The following CBL variants were observed in gnomAD, a reference collection of about 807,000 sequenced individuals.
CBL encodes E3 ubiquitin-protein ligase CBL.
A neutral mutation model predicts 96.9 loss-of-function variants in CBL; 45 were observed. That is an observed-to-expected ratio of 0.46 (90% CI 0.37 to 0.60). The LOEUF is 0.60. CBL is among the 20% of genes least tolerant of loss of function. CBL has a pLI of 0.00. For synonymous variants in CBL, 420 were observed against 426.8 expected (o/e 0.98, Z 0.20); for missense variants, 1,024 against 1,143.5 (o/e 0.90, Z 1.51).
chr11:119,212,419 A>C (rs964537473), intron 1 of CBL, among the ~76,000 whole-genome samples: 1 of 151,360 alleles, frequency 6.6e-6, no homozygotes, highest in Non-Finnish European at 1.5e-5. Flanking sequence ...TGAGGTCAGG[A>C]GTTCAAGACC....
intron 2 of CBL, among the ~76,000 whole-genome samples, chr11:119,249,405 A>G (rs1362044134): frequency 6.6e-6 from 1 of 152,048 alleles, no homozygotes; most frequent in African/African-American, 2.4e-5. Flanking sequence ...AAATACAAAA[A>G]TTAGCTGGGC....
intron 1 of CBL, among the ~76,000 whole-genome samples, chr11:119,219,839 A>G (rs575090420): frequency 1.2e-3 from 163 of 140,920 alleles, no homozygotes; most frequent in Admixed American, 1.9e-3. Context: ...GGGCACCACC[A>G]CGCCCGACTA....
intron 5 of CBL, among the ~76,000 whole-genome samples, 197 bp downstream of exon 5, chr11:119,275,150 T>C (rs1949878948): frequency 6.6e-6 from 1 of 152,206 alleles, no homozygotes; most frequent in Non-Finnish European, 1.5e-5. Flanking sequence ...ACTTAAGAAT[T>C]GAATTTATGG....
intron 12 of CBL, chr11:119,289,739 G>A (rs1009154166): frequency 2.0e-5 from 3 of 152,080 alleles, no homozygotes; most frequent in Non-Finnish European, 4.4e-5. Flanking sequence ...ACTTACTAGA[G>A]TTTGTTTCAT....
intron 1 of CBL, among the ~76,000 whole-genome samples, chr11:119,221,550 G>A (rs929850922): frequency 6.6e-6 from 1 of 151,906 alleles, no homozygotes; most frequent in Non-Finnish European, 1.5e-5. Flanking sequence ...GATGGATCGC[G>A]AGGTCAGGAA....
intron 2 of CBL, among the ~76,000 whole-genome samples, chr11:119,238,320 C>A (rs547592705): frequency 4.3e-4 from 66 of 152,074 alleles, no homozygotes; most frequent in Non-Finnish European, 7.4e-5. Flanking sequence ...AGCGATTCTC[C>A]TGCCTCAGCC....
chr11:119,285,335 C>A lies in CBL; in HGVS notation c.1710C>A (p.Gly570=), dbSNP rs751529479. 1 of 1,614,142 alleles carries A rather than the reference C, an allele frequency of 6.2e-7. No homozygotes were observed. The change falls in exon 11 of 16, where the codon GGC becomes GGA. Residue 570 remains glycine, a synonymous_variant. Transcript: ENST00000264033. ...PQRRPLPCTP[G]DCPSRDKLPP... ...GACGCCCCTTGCCTTGTACACCAGG[C>A]GACTGTCCCTCCAGAGACAAACTGC...
Position 119,278,541 on chromosome 11 carries a change from G to A in CBL, c.1259G>A (p.Arg420Gln), listed in dbSNP as rs267606708. 26 of 1,614,060 alleles carry A rather than the reference G, an allele frequency of 1.6e-5. No homozygotes were observed. The highest frequency in any genetic ancestry group is 2.7e-5 in the African/African-American group (2 of 75,006). ...ESEGQGCPFC[R>Q]CEIKGTEPIV... ...GAAGGTCAGGGCTGTCCTTTCTGCC[G>A]ATGTGAAATTAAAGGTACTGAACCC... Residue 420 changes from arginine (R) to glutamine (Q), a missense_variant, in exon 9 of 16, where the codon CGA becomes CAA. This residue lies in a region of CBL where 695 missense variants were observed against 661.6 expected (regional missense o/e 1.05). Coordinates refer to ENST00000264033, the MANE Select transcript of CBL (RefSeq NM_005188.4).
chr11:119,218,753 G>A (rs573450837), intron 1 of CBL, among the ~76,000 whole-genome samples: 65 of 152,090 alleles, frequency 4.3e-4, no homozygotes, highest in Admixed American at 9.2e-4. Flanking sequence ...CCCTTATTTT[G>A]CTTAATGACC....
rs2135303846 is a variant in CBL, at chr11:119,278,265, C to A, written c.1195C>A (p.Leu399Ile). The change falls in exon 8 of 16, where the codon CTC (leucine) becomes ATC (isoleucine). Residue 399 changes from leucine (L) to isoleucine (I), a missense_variant. By Grantham distance (5) the Leu-to-Ile change is conservative (BLOSUM62 2). Around this residue, in one of 4 missense-constraint regions of CBL, gnomAD observed 695 missense variants for 661.6 expected, o/e 1.05. Coordinates refer to ENST00000264033, the MANE Select transcript of CBL (RefSeq NM_005188.4). ...TGTAAAGATTGAGCCCTGTGGACAC[C>A]TCATGTGCACATCCTGTCTTACATC... is the stretch of plus-strand genomic sequence containing the variant. ...KDVKIEPCGH[L>I]MCTSCLTSWQ... The A allele has an allele frequency of 6.2e-7, 1 of 1,613,584 alleles. No homozygotes were observed. Among genetic ancestry groups the A allele is most frequent in the Non-Finnish European group, 8.5e-7 (1 of 1,179,576 alleles).
chr11:119,271,615 AG>A (rs1312276426), intron 2 of CBL, 119 bp from the exon 3 acceptor site: 104 of 865,428 alleles, frequency 1.2e-4, no homozygotes, highest in Admixed American at 1.8e-4. Context: ...ATATTTGAAG[AG>A]GTTCTTTCTA....
intron 1 of CBL, among the ~76,000 whole-genome samples, chr11:119,212,728 AG>A (rs1949328575): frequency 6.6e-6 from 1 of 150,592 alleles, no homozygotes; most frequent in Non-Finnish European, 1.5e-5. Flanking sequence ...AGACAGGGTC[AG>A]GCTGGGCACA....
intron 1 of CBL, among the ~76,000 whole-genome samples, chr11:119,229,006 G>A (rs1369178432): frequency 2.0e-5 from 3 of 151,850 alleles, no homozygotes; most frequent in African/African-American, 4.8e-5. Context: ...GTAGAGACAG[G>A]GTTTCACCAT....
chr11:119,291,814 C>T (rs531213374), intron 12 of CBL, among the ~76,000 whole-genome samples: 68 of 152,236 alleles, frequency 4.5e-4, no homozygotes, highest in Non-Finnish European at 9.6e-4. Flanking sequence ...CTGTATCTTC[C>T]TTTGTGGTTT....
intron 1 of CBL, among the ~76,000 whole-genome samples, chr11:119,217,333 G>A (rs1447347801): frequency 6.6e-6 from 1 of 152,036 alleles, no homozygotes; most frequent in East Asian, 1.9e-4. Context: ...GGTTGGTCTC[G>A]AACTGCTGAC....
At chr11:119,249,551 CAA>C (rs11378996) in intron 2 of CBL, among the ~76,000 whole-genome samples, 10 of 116,196 alleles carry the variant, frequency 8.6e-5, no homozygotes, top group Admixed American at 2.0e-4. Flanking sequence ...GACTCGGTCT[CAA>C]AAAAAAAAAA....
intron 2 of CBL, among the ~76,000 whole-genome samples, chr11:119,244,604 C>T (rs190477424): frequency 9.2e-4 from 61 of 66,354 alleles, no homozygotes; most frequent in South Asian, 3.8e-3. Context: ...TTTTTTGAGA[C>T]GGAGTCTCGC....
At chr11:119,279,662 A>G (rs575266227) in intron 9 of CBL, among the ~76,000 whole-genome samples, 1 of 152,188 alleles carries the variant, frequency 6.6e-6, no homozygotes, top group Non-Finnish European at 1.5e-5. Context: ...ATAAATAAAT[A>G]GTAATTGTAT....
At position 119,232,435 on chromosome 11, in the gene CBL, T is replaced by C. The variant is rs1328504913; in HGVS notation, c.196-13T>C. 1 of 1,612,934 alleles carries C rather than the reference T, an allele frequency of 6.2e-7. No individual in the cohort carries two copies. The highest frequency in any genetic ancestry group is 8.5e-7 in the Non-Finnish European group (1 of 1,179,964). Reference sequence around the variant, plus strand: ...TTCTCCAAGTAATAGCCCTTCTTTTTCATTTGTTGCAGGTGGTGCGGTTGT... The same window carrying C: ...TTCTCCAAGTAATAGCCCTTCTTTTCCATTTGTTGCAGGTGGTGCGGTTGT... On this transcript the variant is annotated splice_polypyrimidine_tract_variant and intron_variant, in intron 1 of 15. Coordinates refer to ENST00000264033, the MANE Select transcript of CBL (RefSeq NM_005188.4).
Sources: gnomAD v4.1 joint callset for allele counts (sites outside exome capture counted in the v4.1 genomes callset) on GRCh38, gnomAD v4.1.1 for gene constraint, gnomAD v4.1.1 regional missense constraint, MANE v1.5 for transcripts, NCBI Gene and HGNC (gene_info 2026-07-23, HGNC 2026-07-21) for gene names.